The following ICA1L variants were observed in gnomAD, a reference collection of about 807,000 sequenced individuals.
ICA1L encodes islet cell autoantigen 1 like, also known as islet cell autoantigen 1-like protein.
A neutral mutation model predicts 61.3 loss-of-function variants in ICA1L; 50 were observed. The ratio of observed to expected loss-of-function variants is 0.82; its 90% CI spans 0.65 to 1.03. The LOEUF (loss-of-function observed/expected upper bound fraction) is 1.03, where lower values mean the gene tolerates loss of function less well. Among genes scored for constraint, ICA1L ranks in the 50% least tolerant of loss-of-function variants. The probability of loss-of-function intolerance (pLI) is 0.00; values close to 1 mark genes in which losing one functional copy is unlikely to be tolerated. For synonymous variants in ICA1L, 161 were observed against 191.3 expected (o/e 0.84, Z 1.31); for missense variants, 508 against 556.7 (o/e 0.91, Z 0.88).
At chr2:202,845,664 C>T (rs535523040) in intron 1 of ICA1L, among the ~76,000 whole-genome samples, 32 of 151,404 alleles carry the variant, frequency 2.1e-4, no homozygotes, top group African/African-American at 7.8e-4. Flanking sequence ...CCTTTTTACA[C>T]TATACAGTAT....
intron 9 of ICA1L, among the ~76,000 whole-genome samples, chr2:202,799,579 TTGA>T (rs1693033382): frequency 6.6e-6 from 1 of 152,194 alleles, no homozygotes. Flanking sequence ...AGCTACACTG[TTGA>T]TAATTTATTT....
chr2:202,801,677 G>A (rs997284385), intron 9 of ICA1L, among the ~76,000 whole-genome samples: 7 of 152,202 alleles, frequency 4.6e-5, no homozygotes, highest in African/African-American at 1.7e-4. Context: ...AAAAATGTAA[G>A]CTGAAACCAG....
At chr2:202,848,881 C>T (rs959648404) in intron 1 of ICA1L, among the ~76,000 whole-genome samples, 3 of 152,136 alleles carry the variant, frequency 2.0e-5, no homozygotes, top group African/African-American at 7.2e-5. Flanking sequence ...TGGTCTGCAG[C>T]TCCCAGGGAG....
intron 1 of ICA1L, among the ~76,000 whole-genome samples, chr2:202,837,947 G>A (rs1489471263): frequency 7.9e-5 from 12 of 151,958 alleles, no homozygotes; most frequent in Admixed American, 5.2e-4. Context: ...TCTGCCTCTC[G>A]GGTTCATGAG....
Position 202,825,843 on chromosome 2 carries a change from A to G in ICA1L, c.163-76T>C, listed in dbSNP as rs189695261. On this transcript the variant is annotated intron_variant, in intron 2 of 12. Coordinates refer to ENST00000358299, the MANE Select transcript of ICA1L (RefSeq NM_001288622.3). ...ATGTTATAAGCACCCCAAAAGCATA[A>G]CATTTTCTTCTAAGTATTATGTCTG... 1.9e-3 allele frequency: 1,535 copies of G among 792,250 alleles called. 14 individuals are homozygous for G. Among genetic ancestry groups the G allele is most frequent in the Non-Finnish European group, 8.4e-4 (447 of 529,112 alleles). The allele number at this position is 792,250 out of a possible 1,614,324, so 49.1% of individuals were successfully genotyped here.
chr2:202,798,728 CTGTT>C (rs1265050710), intron 9 of ICA1L, among the ~76,000 whole-genome samples: 1 of 152,092 alleles, frequency 6.6e-6, no homozygotes, highest in Non-Finnish European at 1.5e-5. Flanking sequence ...TTCTATTTCA[CTGTT>C]TGTTTGTATC....
intron 3 of ICA1L, among the ~76,000 whole-genome samples, chr2:202,824,142 C>T (rs889077952): frequency 3.9e-5 from 6 of 152,226 alleles, no homozygotes; most frequent in East Asian, 1.9e-4. Context: ...GTGGCTCACA[C>T]CTGTAATCCC....
chr2:202,839,558 C>CTGTGTGTGTGTG lies in ICA1L; in HGVS notation c.-7-10554_-7-10543dup, dbSNP rs57535958. Reference sequence around the variant, plus strand: ...TCTTCCAGGCAGCATACAGTTAAGTCTGTGTGTGTGTGTGTGTGTGTGTGT... The same window carrying CTGTGTGTGTGTG: ...TCTTCCAGGCAGCATACAGTTAAGTCTGTGTGTGTGTGTGTGTGTGTGTGTGTGTGTGTGTGT... On this transcript the variant is annotated intron_variant, in intron 1 of 12. Transcript: ENST00000358299. Among the ~76,000 whole-genome samples the CTGTGTGTGTGTG allele has an allele frequency of 2.7e-3, 307 of 114,420 alleles. 5 individuals are homozygous for CTGTGTGTGTGTG. The highest frequency in any genetic ancestry group is 8.2e-3 in the African/African-American group (215 of 26,296). The allele number at this position is 114,420 out of a possible 152,430, so 75.1% of individuals were successfully genotyped here.
At chr2:202,867,547 T>C (rs7562414) in intron 1 of ICA1L, among the ~76,000 whole-genome samples, 136,934 of 152,244 alleles carry the variant, frequency 0.9, 62,046 homozygotes, top group Non-Finnish European at 0.95. Flanking sequence ...TGACTATTAT[T>C]ATATCTGTGG....
intron 9 of ICA1L, among the ~76,000 whole-genome samples, chr2:202,811,417 G>C (rs1201219036): frequency 5.3e-5 from 8 of 152,090 alleles, no homozygotes; most frequent in Admixed American, 4.6e-4. Context: ...CAGTTTGAGA[G>C]GCCGAGGTGG....
intron 1 of ICA1L, among the ~76,000 whole-genome samples, chr2:202,854,166 T>TA (rs1282053735): frequency 6.7e-6 from 1 of 149,910 alleles, no homozygotes; most frequent in Non-Finnish European, 1.5e-5. Flanking sequence ...CAGACACACA[T>TA]AGGCTCAAAA....
chr2:202,787,732 G>T (rs1052397890), intron 11 of ICA1L, among the ~76,000 whole-genome samples: 1 of 152,216 alleles, frequency 6.6e-6, no homozygotes, highest in Non-Finnish European at 1.5e-5. Flanking sequence ...GTGAAGTGCC[G>T]TGAGGGGTCC....
intron 9 of ICA1L, among the ~76,000 whole-genome samples, chr2:202,797,869 C>T (rs150837952): frequency 4.4e-4 from 67 of 152,222 alleles, no homozygotes; most frequent in African/African-American, 1.2e-3. Flanking sequence ...ACAGTCACCA[C>T]GTTTTACAAT....
intron 1 of ICA1L, among the ~76,000 whole-genome samples, chr2:202,857,598 T>A (rs1256337257): frequency 6.6e-6 from 1 of 152,002 alleles, no homozygotes; most frequent in Admixed American, 6.6e-5. Context: ...CCAAAAGCAA[T>A]GGCAACAGAA....
rs950949784 is a variant in ICA1L, at chr2:202,775,887, C to T, written c.*3646G>A. 3 of 152,164 alleles carry T rather than the reference C, an allele frequency of 2.0e-5. No individual in the cohort carries two copies. The highest frequency in any genetic ancestry group is 4.4e-5 in the Non-Finnish European group (3 of 68,032). The allele number at this position is 152,164 out of a possible 1,614,324, so 9.4% of individuals were successfully genotyped here. A position where few individuals can be genotyped will look rare whatever the true frequency, so the allele number is the denominator to read the frequency against. ...GTCCGTATCAACTCAATGTACTTTC[C>T]TAATACTATGATCTTGAGGTAAAAC... On this transcript the variant is annotated 3_prime_UTR_variant, in exon 13 of 13. Transcript: ENST00000358299.
chr2:202,843,373 T>A lies in ICA1L; in HGVS notation c.-7-14357A>T, dbSNP rs1205747346. ...GCAGCTCTGTCTGCTGAGATTGGTATGGATAAAAATCACAGGGATCCATAG... is the reference window on the plus strand; with the variant it reads ...GCAGCTCTGTCTGCTGAGATTGGTAAGGATAAAAATCACAGGGATCCATAG... On this transcript the variant is annotated intron_variant, in intron 1 of 12. Transcript: ENST00000358299. Among the ~76,000 whole-genome samples, 3 of 152,328 alleles carry A rather than the reference T, an allele frequency of 2.0e-5. No homozygotes were observed. The East Asian group carries it at 5.8e-4, about 29-fold the overall frequency.
chr2:202,867,410 C>T (rs1356877147), intron 1 of ICA1L, among the ~76,000 whole-genome samples: 1 of 152,142 alleles, frequency 6.6e-6, no homozygotes, highest in East Asian at 1.9e-4. Context: ...AGGCTACAAA[C>T]CTGTACAGCA....
chr2:202,785,907 A>G lies in ICA1L; in HGVS notation c.1333+11T>C, dbSNP rs373255238. The G allele has an allele frequency of 3.5e-6, 5 of 1,421,504 alleles. No homozygotes were observed. The African/African-American group carries it at 7.1e-5, about 20-fold the overall frequency. The allele number at this position is 1,421,504 out of a possible 1,614,324, so 88.1% of individuals were successfully genotyped here. On this transcript the variant is annotated intron_variant, in intron 12 of 12. Coordinates refer to ENST00000358299, the MANE Select transcript of ICA1L (RefSeq NM_001288622.3). ...AAGCAATGATAAAGAATATATAAAT[A>G]AATAACTTACATCTTGTTAATTTCT...
chr2:202,870,433 T>C (rs931813790), intron 1 of ICA1L: 12 of 152,160 alleles, frequency 7.9e-5, no homozygotes, highest in African/African-American at 2.9e-4. Flanking sequence ...TTTTGAACTA[T>C]TAAATAAAGA....
Sources: gnomAD v4.1 joint callset for allele counts (sites outside exome capture counted in the v4.1 genomes callset) on GRCh38, gnomAD v4.1.1 for gene constraint, MANE v1.5 for transcripts, NCBI Gene and HGNC (gene_info 2026-07-23, HGNC 2026-07-21) for gene names.